Variants in CACNA1D observed in about 807,000 individuals in gnomAD.
CACNA1D encodes the protein calcium voltage-gated channel subunit alpha1 D.
In CACNA1D, 55 loss-of-function variants were observed where a neutral mutation model predicts 257.1. The observed-to-expected ratio is 0.21, with a 90% confidence interval of 0.17 to 0.27. The LOEUF (loss-of-function observed/expected upper bound fraction) is 0.27, where lower values mean the gene tolerates loss of function less well. CACNA1D is among the 10% of genes least tolerant of loss of function. CACNA1D has a pLI of 1.00. For missense variants in CACNA1D, 1,876 were observed against 2,784.0 expected, an observed-to-expected ratio of 0.67 and a Z score of 7.34; for synonymous variants, 980 against 1,014.9, an observed-to-expected ratio of 0.97 and a Z score of 0.65.
intron 8 of CACNA1D, among the ~76,000 whole-genome samples, chr3:53,701,207 A>G (rs2094622397): frequency 6.6e-6 from 1 of 152,082 alleles, no homozygotes; most frequent in Admixed American, 6.6e-5. Context: ...AGTGGCATGA[A>G]CTTGGCTCAC....
chr3:53,748,135 G>A (rs1421629912), intron 26 of CACNA1D, among the ~76,000 whole-genome samples: 1 of 152,240 alleles, frequency 6.6e-6, no homozygotes, highest in Non-Finnish European at 1.5e-5. Flanking sequence ...TGGCTAAGAT[G>A]TTGATGGGTA....
At chr3:53,786,689 C>T (rs2095454600) in intron 39 of CACNA1D, 133 bp from the exon 40 acceptor site, 1 of 781,404 alleles carries the variant, frequency 1.3e-6, no homozygotes, top group South Asian at 1.5e-5. Flanking sequence ...TATGCTGAGA[C>T]CTCGGTGCCT....
chr3:53,770,534 T>C lies in CACNA1D; in HGVS notation c.4026T>C (p.Thr1342=). The stretch of plus-strand genomic sequence containing the variant: ...AAGGCATCCGGACATTGCTGTGGAC[T>C]TTTATTAAGTCCTTTCAGGTAAGAG... ...RGEGIRTLLW[T]FIKSFQALPY... is the part of the protein sequence containing the mutation. The change falls in exon 32 of 48, where the codon ACT becomes ACC. Residue 1342 remains threonine (T), a synonymous_variant. Coordinates refer to ENST00000350061, the MANE Select transcript of CACNA1D (RefSeq NM_001128840.3). 1.2e-6 allele frequency: 2 copies of C among 1,614,002 alleles called. No individual in the cohort carries two copies. Among genetic ancestry groups the C allele is most frequent in the Non-Finnish European group, 1.7e-6 (2 of 1,179,858 alleles).
At chr3:53,587,268 A>T (rs1228732276) in intron 3 of CACNA1D, among the ~76,000 whole-genome samples, 1 of 152,182 alleles carries the variant, frequency 6.6e-6, no homozygotes, top group African/African-American at 2.4e-5. Context: ...CTCTGGGGTG[A>T]CTGAAGTGGG....
At chr3:53,630,102 G>A (rs1422666969) in intron 3 of CACNA1D, among the ~76,000 whole-genome samples, 2 of 152,174 alleles carry the variant, frequency 1.3e-5, no homozygotes, top group African/African-American at 4.8e-5. Context: ...CATAACACCT[G>A]TGAAAGATTA....
In CACNA1D at chr3:53,711,959, C is replaced by A. The variant is rs572132854; in HGVS notation, c.1391-6342C>A. Among the ~76,000 whole-genome samples the A allele has an allele frequency of 2.8e-4, 42 of 152,306 alleles. 1 individual carries two copies. The South Asian group carries it at 7.7e-3, about 28-fold the overall frequency. On this transcript the variant is annotated intron_variant, in intron 9 of 47. Transcript: ENST00000350061. ...GAAGGTTTATGAACAGGAGGCTGGG[C>A]TTGATGCAGCACCTGAAGGTGTCTG...
At chr3:53,661,982 C>T (rs1341791414) in intron 5 of CACNA1D, among the ~76,000 whole-genome samples, 1 of 152,170 alleles carries the variant, frequency 6.6e-6, no homozygotes, top group Non-Finnish European at 1.5e-5. Flanking sequence ...ATCCCAGTCT[C>T]TCATCAAACT....
At chr3:53,579,617 A>G (rs1441536949) in intron 3 of CACNA1D, among the ~76,000 whole-genome samples, 1 of 152,242 alleles carries the variant, frequency 6.6e-6, no homozygotes, top group African/African-American at 2.4e-5. Context: ...ACAAAACTGC[A>G]TTTACCCAGT....
At chr3:53,552,747 C>T (rs1437225002) in intron 3 of CACNA1D, among the ~76,000 whole-genome samples, 2 of 152,112 alleles carry the variant, frequency 1.3e-5, no homozygotes, top group Non-Finnish European at 2.9e-5. Context: ...TTTTGCTTGG[C>T]ATTGTAGTAG....
In CACNA1D at chr3:53,718,379, G is replaced by T; in HGVS notation, c.1469G>T (p.Gly490Val). ...SGEGENRGCCGSLCQAISKSK... is the reference protein window; with the variant it reads ...SGEGENRGCCVSLCQAISKSK... ...GAAGGCGAGAACCGAGGCTGCTGTGGAAGTCTCTGGTGAGTGTGGGGAGCA... is the reference window on the plus strand; with the variant it reads ...GAAGGCGAGAACCGAGGCTGCTGTGTAAGTCTCTGGTGAGTGTGGGGAGCA... The change falls in exon 10 of 48, where the codon GGA (glycine) becomes GTA (valine). Residue 490 changes from glycine (G) to valine (V), a missense_variant. By Grantham distance (109) the Gly-to-Val change is moderately radical. Transcript: ENST00000350061. 6.2e-7 allele frequency: 1 copy of T among 1,613,986 alleles called. No individual in the cohort carries two copies. The highest frequency in any genetic ancestry group is 1.6e-4 in the Middle Eastern group (1 of 6,062).
chr3:53,788,315 G>A (rs552683347), intron 40 of CACNA1D, among the ~76,000 whole-genome samples: 161 of 152,280 alleles, frequency 1.1e-3, no homozygotes, highest in Non-Finnish European at 2.1e-3. Flanking sequence ...TCCGACTGAA[G>A]ACAGTGATCT....
chr3:53,695,964 G>A (rs781434362), intron 8 of CACNA1D, among the ~76,000 whole-genome samples: 17 of 151,974 alleles, frequency 1.1e-4, no homozygotes, highest in South Asian at 2.1e-4. Context: ...TAGTTTTTTT[G>A]TTTGTTTGAT....
chr3:53,590,807 G>T (rs981663069), intron 3 of CACNA1D, among the ~76,000 whole-genome samples: 6 of 152,188 alleles, frequency 3.9e-5, no homozygotes, highest in Non-Finnish European at 8.8e-5. Context: ...GAGTGAGCGG[G>T]CATAGGTACT....
intron 9 of CACNA1D, among the ~76,000 whole-genome samples, chr3:53,715,801 GCA>G (rs1178285140): frequency 6.6e-6 from 1 of 152,156 alleles, no homozygotes; most frequent in Non-Finnish European, 1.5e-5. Flanking sequence ...TGGAGCCCTG[GCA>G]CAGTGCTGTG....
intron 32 of CACNA1D, among the ~76,000 whole-genome samples, chr3:53,771,392 C>T (rs2095365545): frequency 6.6e-6 from 1 of 152,178 alleles, no homozygotes. Flanking sequence ...AAATTTCAAA[C>T]TTGGCCCTCA....
chr3:53,708,613 T>C (rs77044646), intron 9 of CACNA1D, among the ~76,000 whole-genome samples: 13 of 152,390 alleles, frequency 8.5e-5, no homozygotes, highest in Non-Finnish European at 1.6e-4. Flanking sequence ...TCAGGGACTG[T>C]TGCCCCACTG....
chr3:53,806,035 C>T (rs1443159692), intron 45 of CACNA1D, among the ~76,000 whole-genome samples: 1 of 138,526 alleles, frequency 7.2e-6, no homozygotes, highest in Non-Finnish European at 1.5e-5. Flanking sequence ...CCCTCCTCCT[C>T]CTCCCTCATG....
chr3:53,699,154 G>A (rs563423357), intron 8 of CACNA1D, among the ~76,000 whole-genome samples: 2 of 152,306 alleles, frequency 1.3e-5, no homozygotes, highest in South Asian at 4.1e-4. Context: ...TGAGCAGATA[G>A]TGTACAGGAT....
intron 9 of CACNA1D, among the ~76,000 whole-genome samples, chr3:53,709,704 A>G (rs1425920759): frequency 6.6e-6 from 1 of 152,206 alleles, no homozygotes; most frequent in Middle Eastern, 3.2e-3. Context: ...GCAAGGGGTT[A>G]AAGATCCTAG....
Sources: gnomAD v4.1 joint callset for allele counts (sites outside exome capture counted in the v4.1 genomes callset) on GRCh38, gnomAD v4.1.1 for gene constraint, MANE v1.5 for transcripts, NCBI Gene and HGNC (gene_info 2026-07-23, HGNC 2026-07-21) for gene names.